MCC: variants seen among roughly 807,000 people sequenced by gnomAD.
The protein encoded by MCC is colorectal mutant cancer protein.
MCC carries 90 observed loss-of-function variants against 116.2 expected under a neutral mutation model. The observed-to-expected ratio is 0.77, with a 90% CI of 0.65 to 0.92. MCC has a LOEUF of 0.92. MCC is among the 40% of genes least tolerant of loss of function. The probability of loss-of-function intolerance (pLI) is 0.00; values close to 1 mark genes in which losing one functional copy is unlikely to be tolerated. For missense variants in MCC, 1,516 were observed against 1,312.2 expected (o/e 1.16, Z -2.40); for synonymous variants, 578 against 510.5 (o/e 1.13, Z -1.78).
At chr5:113,269,249 CT>C (rs1765525396) in intron 3 of MCC, 2 of 983,718 alleles carry the variant, frequency 2.0e-6, no homozygotes, top group Non-Finnish European at 2.4e-6. Context: ...GGGACTGGGC[CT>C]TTTGACTTCA....
chr5:113,404,328 C>T (rs956507280), intron 1 of MCC, among the ~76,000 whole-genome samples: 68 of 152,310 alleles, frequency 4.5e-4, no homozygotes, highest in African/African-American at 1.6e-3. Flanking sequence ...AGAAATAAGT[C>T]TGTTTTCTTA....
At chr5:113,034,839 C>G (rs1435149820) in intron 17 of MCC, among the ~76,000 whole-genome samples, 1 of 152,228 alleles carries the variant, frequency 6.6e-6, no homozygotes, top group Admixed American at 6.5e-5. Flanking sequence ...GGCTGACAGC[C>G]TCTTTGCTCA....
At chr5:113,452,904 A>G (rs1771441939) in intron 1 of MCC, among the ~76,000 whole-genome samples, 1 of 152,246 alleles carries the variant, frequency 6.6e-6, no homozygotes, top group Non-Finnish European at 1.5e-5. Context: ...AGATTAACTT[A>G]GGCTTGTATA....
At chr5:113,028,426 C>G (rs914909655) in intron 18 of MCC, among the ~76,000 whole-genome samples, 3 of 151,130 alleles carry the variant, frequency 2.0e-5, no homozygotes, top group African/African-American at 7.3e-5. Context: ...AATAATTTAT[C>G]TTGGTTTTAG....
chr5:113,056,771 T>C (rs1326894382), intron 14 of MCC, among the ~76,000 whole-genome samples: 2 of 152,170 alleles, frequency 1.3e-5, no homozygotes, highest in African/African-American at 4.8e-5. Context: ...GCCCAGCACA[T>C]AGTAAGCACT....
intron 3 of MCC, among the ~76,000 whole-genome samples, chr5:113,186,349 T>C (rs1216351234): frequency 6.6e-6 from 1 of 152,154 alleles, no homozygotes; most frequent in African/African-American, 2.4e-5. Flanking sequence ...TTACACCCCC[T>C]CATTTGGGCC....
chr5:113,382,670 A>C (rs1769153412), intron 2 of MCC, among the ~76,000 whole-genome samples: 1 of 152,150 alleles, frequency 6.6e-6, no homozygotes, highest in Non-Finnish European at 1.5e-5. Context: ...TTAGTTTAAC[A>C]CGTATTTAGT....
chr5:113,185,586 G>C (rs997404819), intron 3 of MCC, among the ~76,000 whole-genome samples: 3 of 152,104 alleles, frequency 2.0e-5, no homozygotes, highest in African/African-American at 7.2e-5. Context: ...CTGACAAAAA[G>C]GTAAGAAAGA....
At chr5:113,163,590 G>A (rs1760620741) in intron 3 of MCC, among the ~76,000 whole-genome samples, 1 of 151,958 alleles carries the variant, frequency 6.6e-6, no homozygotes, top group Non-Finnish European at 1.5e-5. Context: ...TGAGTTCCAA[G>A]AAGGCAGGGA....
intron 3 of MCC, among the ~76,000 whole-genome samples, chr5:113,156,713 C>T (rs958585685): frequency 2.6e-5 from 4 of 152,168 alleles, no homozygotes; most frequent in African/African-American, 9.7e-5. Context: ...TAGATCCACA[C>T]ATTCCTCACA....
chr5:113,413,070 C>T (rs531269956), intron 1 of MCC, among the ~76,000 whole-genome samples: 3 of 152,226 alleles, frequency 2.0e-5, no homozygotes, highest in East Asian at 3.9e-4. Flanking sequence ...TGATGGATTA[C>T]GTTGATTGAT....
chr5:113,029,181 A>G, intron 17 of MCC, 125 bp from the exon 18 acceptor site: 1 of 821,392 alleles, frequency 1.2e-6, no homozygotes, highest in East Asian at 2.9e-5. Context: ...AAGGGAGAGA[A>G]AAGATACTAA....
At chr5:113,036,129 T>TA (rs1283796194) in intron 17 of MCC, among the ~76,000 whole-genome samples, 1 of 145,770 alleles carries the variant, frequency 6.9e-6, no homozygotes, top group Non-Finnish European at 1.5e-5. Context: ...CTCCAACCCC[T>TA]AGGGTTCAAG....
chr5:113,151,457 T>C (rs1440024242), intron 3 of MCC, 35 bp from the exon 4 acceptor site: 1 of 1,177,642 alleles, frequency 8.5e-7, no homozygotes, highest in Admixed American at 1.9e-5. Flanking sequence ...TAGAGTATTG[T>C]AGCAGAGATG....
chr5:113,291,160 T>C (rs1458952487), intron 3 of MCC, among the ~76,000 whole-genome samples: 1 of 152,214 alleles, frequency 6.6e-6, no homozygotes, highest in African/African-American at 2.4e-5. Flanking sequence ...ACTCATGAAT[T>C]TCCTGTTTTC....
chr5:113,169,778 T>C (rs942584813), intron 3 of MCC, among the ~76,000 whole-genome samples: 2 of 152,176 alleles, frequency 1.3e-5, no homozygotes, highest in African/African-American at 2.4e-5. Flanking sequence ...GCACTCTGTG[T>C]GAGTGTTTGT....
chr5:113,294,553 T>C (rs1766646845), intron 3 of MCC: 1 of 1,365,340 alleles, frequency 7.3e-7, no homozygotes, highest in Non-Finnish European at 9.5e-7. Context: ...CAGGCACTCT[T>C]AAAAAGAGCA....
intron 3 of MCC, among the ~76,000 whole-genome samples, chr5:113,189,815 T>C (rs1762068703): frequency 6.6e-6 from 1 of 152,236 alleles, no homozygotes; most frequent in South Asian, 2.1e-4. Flanking sequence ...GTTCACTCAC[T>C]TTTAATTAGC....
chr5:113,474,827 A>T (rs568179397), intron 1 of MCC, among the ~76,000 whole-genome samples: 1 of 152,292 alleles, frequency 6.6e-6, no homozygotes, highest in Admixed American at 6.5e-5. Flanking sequence ...CCTCCCCAAC[A>T]ATTTTATCAG....
Sources: gnomAD v4.1 joint callset for allele counts (sites outside exome capture counted in the v4.1 genomes callset) on GRCh38, gnomAD v4.1.1 for gene constraint, MANE v1.5 for transcripts, NCBI Gene and HGNC (gene_info 2026-07-23, HGNC 2026-07-21) for gene names.